Variants in S100P observed in about 807,000 individuals in gnomAD.
The protein encoded by S100P is S100 calcium binding protein P.
A neutral mutation model predicts 4.7 loss-of-function variants in S100P; 7 were observed. That is an observed-to-expected ratio of 1.48 (90% confidence interval 0.84 to 2.77). S100P has a LOEUF of 2.77. Among genes scored for constraint, S100P ranks in the 30% most tolerant of loss-of-function variants. S100P has a pLI of 0.00. For synonymous variants in S100P, 48 were observed against 49.0 expected, an observed-to-expected ratio of 0.98 and a Z score of 0.08; for missense variants, 122 against 120.6, an observed-to-expected ratio of 1.01 and a Z score of -0.06.
rs1021039536 is a variant in S100P, at chr4:6,693,996, G to A, written c.64G>A (p.Glu22Lys). ...CGTCTTTTCCCGATATTCGGGCAGCGAGGGCAGCACGCAGACCCTGACCAA... is the reference window on the plus strand; with the variant it reads ...CGTCTTTTCCCGATATTCGGGCAGCAAGGGCAGCACGCAGACCCTGACCAA... ...IDVFSRYSGSEGSTQTLTKGE... is the reference protein window; with the variant it reads ...IDVFSRYSGSKGSTQTLTKGE... The change falls in exon 1 of 2, where the codon GAG becomes AAG. Residue 22 changes from glutamate to lysine, a missense_variant. Glu to Lys is a moderately conservative substitution (Grantham distance 56). Transcript: ENST00000296370. 2.0e-5 allele frequency: 33 copies of A among 1,614,010 alleles called. No homozygotes were observed. The Admixed American group carries it at 4.0e-4, about 20-fold the overall frequency.
intron 1 of S100P, among the ~76,000 whole-genome samples, chr4:6,694,577 T>A (rs1560127460): frequency 6.6e-6 from 1 of 152,116 alleles, no homozygotes; most frequent in Non-Finnish European, 1.5e-5. Context: ...GGGAGGAGGC[T>A]CCATCCTGGC....
intron 1 of S100P, among the ~76,000 whole-genome samples, chr4:6,696,457 G>C (rs1334502091): frequency 6.6e-6 from 1 of 152,228 alleles, no homozygotes; most frequent in African/African-American, 2.4e-5. Context: ...TGGTGGTGTT[G>C]AGGAGTTCCT....
At chr4:6,696,091 G>A (rs902325236) in intron 1 of S100P, among the ~76,000 whole-genome samples, 3 of 152,190 alleles carry the variant, frequency 2.0e-5, no homozygotes, top group African/African-American at 7.2e-5. Flanking sequence ...TTTTAATTGT[G>A]TTTCTTTCCA....
chr4:6,696,097 T>C (rs1293108969), intron 1 of S100P, among the ~76,000 whole-genome samples: 1 of 152,224 alleles, frequency 6.6e-6, no homozygotes, highest in African/African-American at 2.4e-5. Flanking sequence ...TTGTGTTTCT[T>C]TCCACCTGGA....
chr4:6,695,748 C>G (rs547547182), intron 1 of S100P, among the ~76,000 whole-genome samples: 4 of 152,314 alleles, frequency 2.6e-5, no homozygotes, highest in East Asian at 3.9e-4. Flanking sequence ...GCCCTCCCTC[C>G]GGAGGCTGCT....
At chr4:6,696,519 G>A (rs972453837) in intron 1 of S100P, among the ~76,000 whole-genome samples, 6 of 152,362 alleles carry the variant, frequency 3.9e-5, no homozygotes, top group Non-Finnish European at 8.8e-5. Flanking sequence ...GGCCCATGAA[G>A]TTAGCAGTGC....
chr4:6,694,146 A>C, intron 1 of S100P, 76 bp downstream of exon 1: 3 of 1,422,762 alleles, frequency 2.1e-6, no homozygotes, highest in Non-Finnish European at 1.9e-6. Flanking sequence ...GAGGGCTGAG[A>C]GCTGCGGTGG....
At chr4:6,695,255 G>A (rs190246149) in intron 1 of S100P, among the ~76,000 whole-genome samples, 8 of 152,188 alleles carry the variant, frequency 5.3e-5, no homozygotes, top group Non-Finnish European at 1.0e-4. Flanking sequence ...CGTGAGCCCC[G>A]ACACCTGGCC....
At chr4:6,696,843 G>T in intron 1 of S100P, 50 bp from the exon 2 acceptor site, 1 of 1,570,904 alleles carries the variant, frequency 6.4e-7, no homozygotes, top group Admixed American at 1.8e-5. Context: ...GGAGGCTGAG[G>T]CCCTGCACAG....
intron 1 of S100P, among the ~76,000 whole-genome samples, 189 bp downstream of exon 1, chr4:6,694,259 G>A (rs1487425015): frequency 6.6e-6 from 1 of 152,214 alleles, no homozygotes; most frequent in Non-Finnish European, 1.5e-5. Flanking sequence ...CAGGGGAGGC[G>A]GGAGCATCTG....
chr4:6,696,965 T>G lies in S100P; in HGVS notation c.211T>G (p.Phe71Val). The change falls in exon 2 of 2, where the codon TTC (phenylalanine) becomes GTC (valine). Residue 71 changes from phenylalanine to valine, a missense_variant. By Grantham distance (50) the Phe-to-Val change is conservative. Coordinates refer to ENST00000296370, the MANE Select transcript of S100P (RefSeq NM_005980.3). ...LDANGDAQVD[F>V]SEFIVFVAAI... is the part of the protein sequence containing the mutation. ...CGCCAATGGAGATGCCCAGGTGGAC[T>G]TCAGTGAGTTCATAGTGTTCGTGGC... 4 of 1,613,794 alleles carry G rather than the reference T, an allele frequency of 2.5e-6. No individual in the cohort carries two copies. The South Asian group carries it at 4.4e-5, about 18-fold the overall frequency.
At position 6,693,885 on chromosome 4, in the gene S100P, C is replaced by A; in HGVS notation, c.-48C>A. 1.2e-6 allele frequency: 2 copies of A among 1,612,404 alleles called. No homozygotes were observed. Among genetic ancestry groups the A allele is most frequent in the South Asian group, 1.1e-5 (1 of 90,998 alleles). Reference sequence around the variant, plus strand: ...CAAGAGGCTGCCAGTGGGACATTTTCTCGGCCCTGCCAGCCCCCAGGAGGA... The same window carrying A: ...CAAGAGGCTGCCAGTGGGACATTTTATCGGCCCTGCCAGCCCCCAGGAGGA... On this transcript the variant is annotated 5_prime_UTR_variant, in exon 1 of 2. Coordinates refer to ENST00000296370, the MANE Select transcript of S100P (RefSeq NM_005980.3).
chr4:6,696,019 T>C (rs981862751), intron 1 of S100P, among the ~76,000 whole-genome samples: 13 of 152,252 alleles, frequency 8.5e-5, no homozygotes, highest in African/African-American at 2.9e-4. Context: ...TTGCAAACCA[T>C]GCTGTCACTA....
chr4:6,695,760 AAGCCCAGCAAAGCCGG>A (rs1714358434), intron 1 of S100P, among the ~76,000 whole-genome samples: 1 of 152,206 alleles, frequency 6.6e-6, no homozygotes, highest in Admixed American at 6.5e-5. Context: ...GAGGCTGCTG[AAGCCCAGCAAAGCCGG>A]AGTCAGAGAA....
At chr4:6,696,175 T>C (rs570455316) in intron 1 of S100P, among the ~76,000 whole-genome samples, 4 of 152,368 alleles carry the variant, frequency 2.6e-5, no homozygotes, top group African/African-American at 9.6e-5. Context: ...ATCTGCATCC[T>C]GGTCCCGCTT....
chr4:6,694,091 T>C, intron 1 of S100P, 21 bp downstream of exon 1: 1 of 1,593,062 alleles, frequency 6.3e-7, no homozygotes, highest in Non-Finnish European at 8.6e-7. Context: ...CCGGCAGTGC[T>C]GGACTCAGCG....
At chr4:6,696,708 A>C (rs1359476975) in intron 1 of S100P, among the ~76,000 whole-genome samples, 185 bp from the exon 2 acceptor site, 2 of 152,270 alleles carry the variant, frequency 1.3e-5, no homozygotes, top group African/African-American at 2.4e-5. Context: ...AGATAGCTGA[A>C]GGCAGCTCAC....
chr4:6,696,688 A>C (rs58164932), intron 1 of S100P, among the ~76,000 whole-genome samples: 9,911 of 152,334 alleles, frequency 0.065, 1,067 homozygotes, highest in African/African-American at 0.23. Flanking sequence ...AAGTTAGTTC[A>C]TGTCATGCCA....
intron 1 of S100P, among the ~76,000 whole-genome samples, chr4:6,694,762 C>A (rs945728901): frequency 6.6e-6 from 1 of 152,054 alleles, no homozygotes; most frequent in Non-Finnish European, 1.5e-5. Flanking sequence ...TTCCCTTTGA[C>A]CCCTGTCCTC....
Sources: allele counts gnomAD v4.1 joint callset (sites outside exome capture counted in the v4.1 genomes callset), GRCh38; gene constraint gnomAD v4.1.1; transcripts MANE v1.5; gene names NCBI Gene and HGNC (gene_info 2026-07-23, HGNC 2026-07-21).